The following CCDC192 variants were observed in gnomAD, a reference collection of about 807,000 sequenced individuals.
CCDC192 encodes coiled-coil domain-containing protein 192.
At chr5:127,906,759 C>T (rs1445975932) in intron 6 of CCDC192, among the ~76,000 whole-genome samples, 1 of 150,710 alleles carries the variant, frequency 6.6e-6, no homozygotes, top group Non-Finnish European at 1.5e-5. Context: ...GCACTGCAGC[C>T]TGGGCAACAG....
chr5:127,823,678 C>T (rs954475759), intron 5 of CCDC192, among the ~76,000 whole-genome samples: 1 of 152,134 alleles, frequency 6.6e-6, no homozygotes. Context: ...AAAGAGCTGT[C>T]CTCAAAGCTT....
intron 2 of CCDC192, among the ~76,000 whole-genome samples, chr5:127,708,805 G>A (rs537050857): frequency 1.3e-5 from 2 of 152,248 alleles, no homozygotes; most frequent in Non-Finnish European, 2.9e-5. Context: ...GTGGGCTTCC[G>A]TGTGGGCCAG....
At chr5:127,725,276 G>T (rs916615859) in intron 2 of CCDC192, among the ~76,000 whole-genome samples, 1 of 152,054 alleles carries the variant, frequency 6.6e-6, no homozygotes, top group African/African-American at 2.4e-5. Context: ...GAGGAAATTT[G>T]TTAAAGTTTG....
chr5:127,931,881 G>C (rs995726014), intron 6 of CCDC192, among the ~76,000 whole-genome samples: 14 of 152,168 alleles, frequency 9.2e-5, no homozygotes, highest in African/African-American at 3.4e-4. Flanking sequence ...GCTGGGCACG[G>C]TGGCTCACAC....
intron 3 of CCDC192, chr5:127,785,203 G>A: frequency 1.9e-6 from 1 of 526,632 alleles, no homozygotes. Context: ...ATATAACCAT[G>A]TCAATTTTCA....
At chr5:127,799,350 G>A (rs987622998) in intron 5 of CCDC192, among the ~76,000 whole-genome samples, 1 of 152,096 alleles carries the variant, frequency 6.6e-6, no homozygotes, top group Non-Finnish European at 1.5e-5. Context: ...AATCTTTTTT[G>A]GGCTTGTATG....
intron 3 of CCDC192, among the ~76,000 whole-genome samples, chr5:127,767,328 A>T: frequency 6.6e-6 from 1 of 152,214 alleles, no homozygotes; most frequent in Non-Finnish European, 1.5e-5. Context: ...AGATGGGTAA[A>T]CTACCGTGGG....
intron 2 of CCDC192, among the ~76,000 whole-genome samples, chr5:127,745,529 C>A (rs1379143530): frequency 6.6e-6 from 1 of 152,048 alleles, no homozygotes; most frequent in Non-Finnish European, 1.5e-5. Context: ...TATTTAGTAT[C>A]ATTTTAGATT....
In CCDC192 at chr5:127,926,598, A is replaced by G. The variant is rs189671006; in HGVS notation, c.536-14584A>G. 5.3e-5 allele frequency among the ~76,000 whole-genome samples: 8 copies of G among 152,320 alleles called. No individual in the cohort carries two copies. In the East Asian group the frequency reaches 1.5e-3, roughly 29 times the overall value. On this transcript the variant is annotated intron_variant, in intron 6 of 6. Coordinates refer to ENST00000514853, the MANE Select transcript of CCDC192 (RefSeq NM_001317938.2). ...TCAACAGAACTTTGTGAAAAGACGG[A>G]TGAAAGAGCATGGGGGTAAAGGAGA...
rs890162540 is a variant in CCDC192, at chr5:127,726,523, C to T, written c.114+18763C>T. Among the ~76,000 whole-genome samples the T allele has an allele frequency of 1.6e-4, 25 of 152,320 alleles. No homozygotes were observed. In the South Asian group the frequency reaches 2.5e-3, roughly 15 times the overall value. On this transcript the variant is annotated intron_variant, in intron 2 of 6. Transcript: ENST00000514853. ...AAGAACCTGTCTAACAAGAAGGTCG[C>T]CCAGAGAAGGGGCAGCAGCCATCAC...
intron 2 of CCDC192, among the ~76,000 whole-genome samples, chr5:127,732,375 A>T (rs1307691494): frequency 6.6e-6 from 1 of 152,196 alleles, no homozygotes; most frequent in Non-Finnish European, 1.5e-5. Flanking sequence ...AGAAAAAGAA[A>T]CACTTTTACA....
intron 6 of CCDC192, among the ~76,000 whole-genome samples, chr5:127,927,739 T>TG (rs1293795840): frequency 1.3e-5 from 2 of 152,172 alleles, no homozygotes; most frequent in African/African-American, 2.4e-5. Flanking sequence ...AACCCTCAGT[T>TG]GCCCTTAGTT....
chr5:127,856,667 C>T (rs1475533708), intron 5 of CCDC192, among the ~76,000 whole-genome samples: 1 of 152,198 alleles, frequency 6.6e-6, no homozygotes, highest in African/African-American at 2.4e-5. Context: ...TACTTGAACA[C>T]TTAGAGCCAT....
chr5:127,706,788 T>G (rs1056424861), intron 1 of CCDC192, among the ~76,000 whole-genome samples: 3 of 152,138 alleles, frequency 2.0e-5, no homozygotes, highest in East Asian at 1.9e-4. Flanking sequence ...TGTTAGAATG[T>G]GATAAGTATC....
At chr5:127,934,879 A>G (rs1172994863) in intron 6 of CCDC192, among the ~76,000 whole-genome samples, 1 of 152,212 alleles carries the variant, frequency 6.6e-6, no homozygotes, top group Non-Finnish European at 1.5e-5. Flanking sequence ...CAAATAATAC[A>G]TAACTTTCAA....
At chr5:127,747,244 T>C (rs1281855418) in intron 2 of CCDC192, among the ~76,000 whole-genome samples, 1 of 152,054 alleles carries the variant, frequency 6.6e-6, no homozygotes, top group Non-Finnish European at 1.5e-5. Context: ...CTCCCAATGC[T>C]ATCCCTCCCC....
chr5:127,843,240 A>T (rs1284336838), intron 5 of CCDC192, among the ~76,000 whole-genome samples: 1 of 150,020 alleles, frequency 6.7e-6, no homozygotes, highest in Admixed American at 6.7e-5. Context: ...AGGTTTCACC[A>T]TGTTACCCCG....
chr5:127,876,266 C>T (rs985383174), intron 6 of CCDC192, among the ~76,000 whole-genome samples: 104 of 151,810 alleles, frequency 6.9e-4, no homozygotes, highest in Non-Finnish European at 9.3e-4. Context: ...AAAAAAACTC[C>T]AAATCTCAGA....
At chr5:127,760,932 T>C (rs1332254363) in intron 3 of CCDC192, among the ~76,000 whole-genome samples, 1 of 151,928 alleles carries the variant, frequency 6.6e-6, no homozygotes, top group East Asian at 2.0e-4. Flanking sequence ...TAATTTGTAT[T>C]TGAAGAAAGA....
Sources: gnomAD v4.1 joint callset for allele counts (sites outside exome capture counted in the v4.1 genomes callset) on GRCh38, gnomAD v4.1.1 for gene constraint, MANE v1.5 for transcripts, NCBI Gene and HGNC (gene_info 2026-07-23, HGNC 2026-07-21) for gene names.